Variants in PDE1C observed in about 807,000 individuals in gnomAD.
PDE1C encodes the protein phosphodiesterase 1C.
In PDE1C, 62 loss-of-function variants were observed where a neutral mutation model predicts 93.1. That is an observed-to-expected ratio of 0.67 (90% CI 0.54 to 0.82). The LOEUF (loss-of-function observed/expected upper bound fraction) is 0.82. Ranked by LOEUF, PDE1C falls within the 40% of genes least tolerant of loss-of-function variation. The probability of loss-of-function intolerance (pLI) is 0.00; values close to 1 mark genes in which losing one functional copy is unlikely to be tolerated. For synonymous variants in PDE1C, 325 were observed against 310.1 expected (o/e 1.05, Z -0.50); for missense variants, 742 against 884.6 (o/e 0.84, Z 2.04).
chr7:32,298,817 G>A lies in PDE1C; in HGVS notation c.-82C>T, dbSNP rs540216986. The A allele has an allele frequency of 2.7e-6, 4 of 1,487,426 alleles. No individual in the cohort carries two copies. In the East Asian group the frequency reaches 1.1e-4, roughly 40 times the overall value. The allele number at this position is 1,487,426 out of a possible 1,614,324, so 92.1% of individuals were successfully genotyped here. ...CCCACGGCGGAGTGAGCAGCCCGGG[G>A]CTCGGCGGCGAATCCTCCCCCGGCC... On this transcript the variant is annotated 5_prime_UTR_variant, in exon 1 of 19. Coordinates refer to the PDE1C transcript ENST00000396193.
intron 2 of PDE1C, among the ~76,000 whole-genome samples, chr7:32,048,654 C>T (rs913265060): frequency 3.3e-5 from 5 of 152,126 alleles, no homozygotes; most frequent in African/African-American, 1.2e-4. Flanking sequence ...AACCAGCCAG[C>T]CAAGTCCTTC....
At chr7:31,806,912 A>G (rs1204280879) in intron 16 of PDE1C, among the ~76,000 whole-genome samples, 1 of 151,932 alleles carries the variant, frequency 6.6e-6, no homozygotes, top group African/African-American at 2.4e-5. Context: ...AGTTTTAAAA[A>G]CAATCAATAT....
At chr7:31,712,547 C>G in the PDE1C span, among the ~76,000 whole-genome samples, 1 of 152,212 alleles carries the variant, frequency 6.6e-6, no homozygotes, top group Non-Finnish European at 1.5e-5. Flanking sequence ...TCAAATCCTC[C>G]TACTCTCAGG....
chr7:32,002,164 G>T (rs570595691), intron 2 of PDE1C, among the ~76,000 whole-genome samples: 1 of 152,200 alleles, frequency 6.6e-6, no homozygotes, highest in Admixed American at 6.5e-5. Flanking sequence ...TCTAAAACAG[G>T]TCAACAACAC....
intron 2 of PDE1C, among the ~76,000 whole-genome samples, chr7:32,020,558 A>C (rs1216466490): frequency 6.6e-6 from 1 of 152,148 alleles, no homozygotes; most frequent in Non-Finnish European, 1.5e-5. Context: ...CATAAGAAAC[A>C]CAGCTACTTG....
chr7:31,907,287 G>C (rs1263347344), intron 2 of PDE1C, among the ~76,000 whole-genome samples: 2 of 152,070 alleles, frequency 1.3e-5, no homozygotes, highest in Non-Finnish European at 2.9e-5. Flanking sequence ...AAACATGCAA[G>C]CCTGCCTAGG....
chr7:31,624,657 A>G, the PDE1C span, among the ~76,000 whole-genome samples: 4 of 150,468 alleles, frequency 2.7e-5, no homozygotes, highest in Non-Finnish European at 5.9e-5. Context: ...TAGACCTAAA[A>G]CCATAAAAAC....
At chr7:32,030,764 T>C (rs190712511) in intron 2 of PDE1C, among the ~76,000 whole-genome samples, 283 of 152,280 alleles carry the variant, frequency 1.9e-3, no homozygotes, top group Non-Finnish European at 3.2e-3. Context: ...CAAACTGTGG[T>C]AGATGCTATT....
chr7:31,875,968 G>A (rs1796540903), intron 5 of PDE1C, among the ~76,000 whole-genome samples: 1 of 151,188 alleles, frequency 6.6e-6, no homozygotes, highest in African/African-American at 2.4e-5. Context: ...TAGCATAAGG[G>A]TTATTTTAGG....
chr7:31,732,338 AGTT>A, the PDE1C span, among the ~76,000 whole-genome samples: 2 of 152,062 alleles, frequency 1.3e-5, no homozygotes, highest in East Asian at 3.9e-4. Flanking sequence ...TACAGTGCCC[AGTT>A]GTTGGACAAG....
At chr7:32,341,519 G>A (rs932882664) in intron 1 of PDE1C, among the ~76,000 whole-genome samples, 6 of 152,152 alleles carry the variant, frequency 3.9e-5, no homozygotes, top group African/African-American at 1.4e-4. Flanking sequence ...GAGCACAGAT[G>A]AAACAGGGGC....
At chr7:31,894,827 A>G (rs1799074741) in intron 2 of PDE1C, among the ~76,000 whole-genome samples, 1 of 152,122 alleles carries the variant, frequency 6.6e-6, no homozygotes, top group Non-Finnish European at 1.5e-5. Context: ...TCCCACCACG[A>G]GAACCCCCAG....
intron 3 of PDE1C, among the ~76,000 whole-genome samples, chr7:32,088,126 T>C (rs1391799398): frequency 6.6e-6 from 1 of 152,150 alleles, no homozygotes; most frequent in African/African-American, 2.4e-5. Flanking sequence ...ATAGCCTACC[T>C]TCCACCATTA....
At chr7:32,062,120 A>G (rs1284659290) in intron 1 of PDE1C, among the ~76,000 whole-genome samples, 17 of 152,042 alleles carry the variant, frequency 1.1e-4, no homozygotes. Flanking sequence ...TCCCCCATTC[A>G]TTCTGTTCCC....
chr7:32,122,415 G>T (rs1799350182), intron 3 of PDE1C, among the ~76,000 whole-genome samples: 1 of 152,126 alleles, frequency 6.6e-6, no homozygotes, highest in African/African-American at 2.4e-5. Flanking sequence ...CAGAATATAT[G>T]TTCTTCTCTG....
chr7:31,680,652 G>C, the PDE1C span, among the ~76,000 whole-genome samples: 1 of 152,164 alleles, frequency 6.6e-6, no homozygotes, highest in Non-Finnish European at 1.5e-5. Context: ...GTGGCCCTTT[G>C]GATCAGAATG....
At chr7:32,228,273 A>C (rs1193873436) in intron 1 of PDE1C, among the ~76,000 whole-genome samples, 4 of 152,208 alleles carry the variant, frequency 2.6e-5, no homozygotes, top group Non-Finnish European at 5.9e-5. Context: ...TGAAACAAGG[A>C]AACTGCATAG....
intron 2 of PDE1C, among the ~76,000 whole-genome samples, chr7:32,031,761 G>A (rs1322971899): frequency 6.6e-6 from 1 of 152,150 alleles, no homozygotes; most frequent in Non-Finnish European, 1.5e-5. Context: ...ACATGTGAAT[G>A]TGAGGTATGG....
intron 2 of PDE1C, among the ~76,000 whole-genome samples, chr7:31,970,000 G>T (rs1388669750): frequency 6.6e-6 from 1 of 152,130 alleles, no homozygotes; most frequent in African/African-American, 2.4e-5. Context: ...TGTGGGGTTG[G>T]GGGAGTGGGG....
Sources: gnomAD v4.1 joint callset for allele counts (sites outside exome capture counted in the v4.1 genomes callset) on GRCh38, gnomAD v4.1.1 for gene constraint, MANE v1.5 for transcripts, NCBI Gene and HGNC (gene_info 2026-07-23, HGNC 2026-07-21) for gene names.